The following NLRP5 variants were observed in gnomAD, a reference collection of about 807,000 sequenced individuals.
The protein encoded by NLRP5 is NACHT, LRR and PYD domains-containing protein 5.
Under a neutral mutation model 113.1 loss-of-function variants are expected in NLRP5, and 93 were observed. The ratio of observed to expected loss-of-function variants is 0.82; its 90% CI spans 0.70 to 0.98. The LOEUF (loss-of-function observed/expected upper bound fraction) is 0.98. Ranked by LOEUF, NLRP5 falls within the 50% of genes least tolerant of loss-of-function variation. The pLI, the probability that NLRP5 is intolerant of heterozygous loss-of-function variation, is 0.00. For synonymous variants in NLRP5, 751 were observed against 600.7 expected (o/e 1.25, Z -3.66); for missense variants, 1,808 against 1,514.3 (o/e 1.19, Z -3.22).
chr19:56,050,062 C>G (rs918739061), intron 11 of NLRP5, among the ~76,000 whole-genome samples: 5 of 151,994 alleles, frequency 3.3e-5, no homozygotes, highest in Non-Finnish European at 5.9e-5. Context: ...GGCAGATCAC[C>G]TGAGGTCAGG....
chr19:56,053,565 G>A, intron 12 of NLRP5, 73 bp from the exon 13 acceptor site: 1 of 1,372,776 alleles, frequency 7.3e-7, no homozygotes, highest in Non-Finnish European at 1.0e-6. Flanking sequence ...TCCAGTTAAT[G>A]CTGCTGAACC....
At position 56,032,620 on chromosome 19, in the gene NLRP5, T is replaced by A. The variant is rs750112277; in HGVS notation, c.2286T>A (p.Asp762Glu). The A allele has an allele frequency of 1.4e-5, 23 of 1,613,104 alleles. No individual in the cohort carries two copies. In the South Asian group the frequency reaches 2.4e-4, roughly 17 times the overall value. ...ATCCCCCCTGACATAGGATGCGGGATAAGACCCTCATTGAGGAGCAGTGGG... is the reference window on the plus strand; with the variant it reads ...ATCCCCCCTGACATAGGATGCGGGAAAAGACCCTCATTGAGGAGCAGTGGG... The change falls in exon 8 of 15, where the codon GAT becomes GAA. Residue 762 changes from aspartate (D) to glutamate (E), a missense_variant. Transcript: ENST00000390649.
At chr19:56,038,810 G>A (rs1312788276) in intron 10 of NLRP5, among the ~76,000 whole-genome samples, 3 of 152,124 alleles carry the variant, frequency 2.0e-5, no homozygotes. Context: ...ACACCTAAAG[G>A]GATATCACTT....
At chr19:55,995,303 A>G (rs1022090145), upstream of NLRP5, among the ~76,000 whole-genome samples, 1 of 152,176 alleles carries the variant, frequency 6.6e-6, no homozygotes, top group African/African-American at 2.4e-5. Context: ...GCACATGTAT[A>G]CCTGTGTAAC....
At chr19:56,056,235 G>A (rs1984145280) in intron 13 of NLRP5, among the ~76,000 whole-genome samples, 1 of 152,102 alleles carries the variant, frequency 6.6e-6, no homozygotes, top group African/African-American at 2.4e-5. Flanking sequence ...ACTATGATCT[G>A]CACCAGTACA....
intron 3 of NLRP5, among the ~76,000 whole-genome samples, chr19:56,013,142 A>G (rs1982263432): frequency 6.6e-6 from 1 of 152,136 alleles, no homozygotes; most frequent in African/African-American, 2.4e-5. Flanking sequence ...ATGAAATCAG[A>G]CACTTTGTTA....
At chr19:56,058,983 CCTCGAAGAGG>C (rs1402763722) in intron 14 of NLRP5, among the ~76,000 whole-genome samples, 1 of 152,176 alleles carries the variant, frequency 6.6e-6, no homozygotes, top group African/African-American at 2.4e-5. Context: ...TAGGATTCTA[CCTCGAAGAGG>C]TACTTATAAG....
intron 2 of NLRP5, among the ~76,000 whole-genome samples, chr19:56,005,323 ATATT>A (rs542500932): frequency 4.8e-3 from 697 of 144,858 alleles, no homozygotes; most frequent in Non-Finnish European, 8.9e-3. Context: ...ATATACACAC[ATATT>A]TATATATACA....
Position 56,053,740 on chromosome 19 carries a change from G to C in NLRP5, c.3231G>C (p.Leu1077=), listed in dbSNP as rs568549907. 16 of 1,613,986 alleles carry C rather than the reference G, an allele frequency of 9.9e-6. No homozygotes were observed. The highest frequency in any genetic ancestry group is 1.7e-4 in the Middle Eastern group (1 of 6,056). ...GCCTGGATCTCACGGACAATGCCCTGGGTGACGGTGGGGTTGCTGCGCTGT... is the reference window on the plus strand; with the variant it reads ...GCCTGGATCTCACGGACAATGCCCTCGGTGACGGTGGGGTTGCTGCGCTGT... The change falls in exon 13 of 15, where the codon CTG becomes CTC. Residue 1077 remains leucine (L), a synonymous_variant. Coordinates refer to ENST00000390649, the MANE Select transcript of NLRP5 (RefSeq NM_153447.4).
chr19:56,018,132 A>G (rs1442497708), intron 4 of NLRP5, among the ~76,000 whole-genome samples: 1 of 152,168 alleles, frequency 6.6e-6, no homozygotes, highest in Non-Finnish European at 1.5e-5. Context: ...ACTTTTACAT[A>G]CAATCAATTT....
chr19:56,005,582 C>CACAT (rs397797052), intron 2 of NLRP5, among the ~76,000 whole-genome samples: 3 of 136,750 alleles, frequency 2.2e-5, no homozygotes, highest in African/African-American at 8.7e-5. Flanking sequence ...TATACACACA[C>CACAT]GCACACACGC....
intron 2 of NLRP5, among the ~76,000 whole-genome samples, chr19:56,005,852 A>G (rs750160386): frequency 1.3e-5 from 2 of 152,176 alleles, no homozygotes; most frequent in Non-Finnish European, 2.9e-5. Context: ...TGTCCCCACC[A>G]TCTGACTCTC....
chr19:56,010,000 G>A (rs2123279474), intron 3 of NLRP5, among the ~76,000 whole-genome samples: 1 of 152,300 alleles, frequency 6.6e-6, no homozygotes, highest in South Asian at 2.1e-4. Flanking sequence ...CGTCTCAGAG[G>A]TTTTATAAGT....
chr19:56,033,057 C>T (rs1983183136), intron 8 of NLRP5, among the ~76,000 whole-genome samples: 1 of 151,852 alleles, frequency 6.6e-6, no homozygotes, highest in Non-Finnish European at 1.5e-5. Flanking sequence ...ACCAGCCTGG[C>T]CAACATGGTG....
intron 13 of NLRP5, among the ~76,000 whole-genome samples, chr19:56,057,280 C>G (rs1280130369): frequency 6.6e-6 from 1 of 152,142 alleles, no homozygotes; most frequent in African/African-American, 2.4e-5. Flanking sequence ...GACATCCACC[C>G]CAAAATAACC....
the NLRP5 span, among the ~76,000 whole-genome samples, chr19:55,990,079 CTTTTTT>C: frequency 2.4e-3 from 235 of 95,950 alleles, 6 homozygotes; most frequent in South Asian, 0.044. Context: ...TTTCTTTTTT[CTTTTTT>C]TTTTTTTTTT....
chr19:56,052,264 T>C (rs1448519160), intron 12 of NLRP5, among the ~76,000 whole-genome samples: 1 of 151,956 alleles, frequency 6.6e-6, no homozygotes. Context: ...TTTGTTTTTG[T>C]TTTTGTTTCT....
rs1051021150 is a variant in NLRP5, at chr19:56,049,695, C to G, written c.2958-723C>G. On this transcript the variant is annotated intron_variant, in intron 11 of 14. Transcript: ENST00000390649. The stretch of plus-strand genomic sequence containing the variant: ...TTTCTAAAAATGTGTCTAAAGTTTC[C>G]TGATTTTTTTTTATTGTTTTTAAGC... Among the ~76,000 whole-genome samples, 9 of 152,174 alleles carry G rather than the reference C, an allele frequency of 5.9e-5. No homozygotes were observed. In the East Asian group the frequency reaches 1.5e-3, roughly 26 times the overall value.
At chr19:55,988,546 T>G in the NLRP5 span, 1 of 150,840 alleles carries the variant, frequency 6.6e-6, no homozygotes. Context: ...TCTTCTTGCT[T>G]CTTCTACCTT....
Sources: gnomAD v4.1 joint callset for allele counts (sites outside exome capture counted in the v4.1 genomes callset) on GRCh38, gnomAD v4.1.1 for gene constraint, MANE v1.5 for transcripts, NCBI Gene and HGNC (gene_info 2026-07-23, HGNC 2026-07-21) for gene names.